CSTF3: variants seen among roughly 807,000 people sequenced by gnomAD.
CSTF3 encodes the protein CF-1 77 kDa subunit.
In CSTF3, 29 loss-of-function variants were observed where a neutral mutation model predicts 105.8. The ratio of observed to expected loss-of-function variants is 0.27; its 90% CI spans 0.20 to 0.37. CSTF3 has a LOEUF of 0.37. CSTF3 is among the 10% of genes least tolerant of loss of function. The pLI, the probability that CSTF3 is intolerant of heterozygous loss-of-function variation, is 1.00. For missense variants in CSTF3, 357 were observed against 879.3 expected (o/e 0.41, Z 7.51); for synonymous variants, 252 against 281.9 (o/e 0.89, Z 1.06).
At chr11:33,153,171 T>A (rs757758840) in intron 1 of CSTF3, among the ~76,000 whole-genome samples, 4 of 152,124 alleles carry the variant, frequency 2.6e-5, no homozygotes, top group African/African-American at 4.8e-5. Context: ...CTTTTAAATG[T>A]CTGGCTGAAT....
chr11:33,113,500 C>G (rs193162329), intron 3 of CSTF3, among the ~76,000 whole-genome samples: 129 of 151,944 alleles, frequency 8.5e-4, no homozygotes, highest in African/African-American at 3.0e-3. Context: ...CTGGGTGACA[C>G]AGCAAGACCC....
chr11:33,126,383 C>G (rs1855543264), intron 3 of CSTF3, among the ~76,000 whole-genome samples: 1 of 151,870 alleles, frequency 6.6e-6, no homozygotes, highest in African/African-American at 2.4e-5. Context: ...GTGGAGGTTA[C>G]AGGTTACAGT....
Position 33,142,201 on chromosome 11 carries a change from T to C in CSTF3, c.28-215A>G, listed in dbSNP as rs112585004. Among the ~76,000 whole-genome samples the C allele has an allele frequency of 3.9e-4, 60 of 152,224 alleles. 1 individual carries two copies. Among genetic ancestry groups the C allele is most frequent in the African/African-American group, 1.3e-3 (53 of 41,552 alleles). On this transcript the variant is annotated intron_variant, in intron 1 of 20. Coordinates refer to ENST00000323959, the MANE Select transcript of CSTF3 (RefSeq NM_001326.3). The stretch of plus-strand genomic sequence containing the variant: ...ATCCTTATACTCAACCAAGGGTGGA[T>C]TGAAAATACTCAGAGAGAAAAAAAA...
At chr11:33,093,062 T>C (rs541636700) in intron 15 of CSTF3, among the ~76,000 whole-genome samples, 3 of 152,346 alleles carry the variant, frequency 2.0e-5, no homozygotes, top group East Asian at 1.9e-4. Flanking sequence ...GATGGACTTA[T>C]AGTATACAAA....
intron 1 of CSTF3, 149 bp downstream of exon 1, chr11:33,161,150 T>G: frequency 1.4e-6 from 1 of 695,602 alleles, no homozygotes; most frequent in Non-Finnish European, 2.4e-6. Context: ...ATCTTAGATC[T>G]TGCTCCCCAT....
Position 33,131,745 on chromosome 11 carries a change from G to A in CSTF3, c.225+9922C>T, listed in dbSNP as rs57115038. On this transcript the variant is annotated intron_variant, in intron 3 of 20. Transcript: ENST00000323959. ...CGGGCGCCTGTAGTCCCAGCTACTC[G>A]GGAGGCTGAGGCAGGAGAATGGCGT... 2.2e-3 allele frequency among the ~76,000 whole-genome samples: 334 copies of A among 152,114 alleles called. 2 individuals carry two copies. The highest frequency in any genetic ancestry group is 0.016 in the East Asian group (84 of 5,166).
At chr11:33,137,066 T>C (rs1471436484) in intron 3 of CSTF3, among the ~76,000 whole-genome samples, 1 of 151,826 alleles carries the variant, frequency 6.6e-6, no homozygotes, top group Non-Finnish European at 1.5e-5. Flanking sequence ...TCATGACTCT[T>C]ATTACACCAA....
chr11:33,085,828 A>C, intron 19 of CSTF3, 55 bp from the exon 20 acceptor site: 1 of 1,584,044 alleles, frequency 6.3e-7, no homozygotes, highest in Non-Finnish European at 8.7e-7. Context: ...TTAAAGTAGT[A>C]GTAACTTTAT....
chr11:33,098,714 T>C lies in CSTF3; in HGVS notation c.1104A>G (p.Ala368=), dbSNP rs35931906. Residue 368 remains alanine, a synonymous_variant, in exon 13 of 21, where the codon GCA becomes GCG. Transcript: ENST00000323959. ...CCAAGGTAGGGTCAATATCCTCAAT[T>C]GCCAGAAGTCTGTTATATATACTGT... ...KVHSIYNRLL[A]IEDIDPTLVY... 2.8e-4 allele frequency: 448 copies of C among 1,582,342 alleles called. 3 individuals are homozygous for C. In the African/African-American group the frequency reaches 5.6e-3, roughly 20 times the overall value.
In CSTF3 at chr11:33,158,927, TGAGACTACTTAA is replaced by T. The variant is rs1376667375; in HGVS notation, c.27+2360_27+2371del. Among the ~76,000 whole-genome samples the T allele has an allele frequency of 4.6e-5, 7 of 152,184 alleles. No homozygotes were observed. In the East Asian group the frequency reaches 1.4e-3, roughly 29 times the overall value. ...CAACAGCCCCAGGGGAGAAGAATGG[TGAGACTACTTAA>T]GAGACAGAAGTAAATGATTCAATAT... is the stretch of plus-strand genomic sequence containing the variant. On this transcript the variant is annotated intron_variant, in intron 1 of 20. Coordinates refer to ENST00000323959, the MANE Select transcript of CSTF3 (RefSeq NM_001326.3).
intron 3 of CSTF3, among the ~76,000 whole-genome samples, chr11:33,135,060 C>T (rs1855638522): frequency 6.6e-6 from 1 of 152,186 alleles, no homozygotes; most frequent in African/African-American, 2.4e-5. Flanking sequence ...ATGATTCTCC[C>T]GTAACACTTG....
intron 1 of CSTF3, among the ~76,000 whole-genome samples, chr11:33,158,870 CAGT>C (rs1849899770): frequency 1.3e-5 from 2 of 152,062 alleles, no homozygotes; most frequent in African/African-American, 4.8e-5. Flanking sequence ...CCCAGAAAAG[CAGT>C]GTTAAGTGTC....
chr11:33,097,673 A>T (rs1855239061), intron 13 of CSTF3, among the ~76,000 whole-genome samples: 1 of 152,110 alleles, frequency 6.6e-6, no homozygotes, highest in South Asian at 2.1e-4. Context: ...AGCCTGCAAT[A>T]CATGTTTAAC....
intron 3 of CSTF3, among the ~76,000 whole-genome samples, chr11:33,117,608 C>A (rs1855442779): frequency 6.6e-6 from 1 of 151,824 alleles, no homozygotes; most frequent in Admixed American, 6.6e-5. Context: ...TTAATAACTT[C>A]CCCCAGATCA....
chr11:33,126,058 T>A lies in CSTF3; in HGVS notation c.225+15609A>T, dbSNP rs545840401. Among the ~76,000 whole-genome samples, 77 of 152,150 alleles carry A rather than the reference T, an allele frequency of 5.1e-4. 4 individuals are homozygous for A. Among genetic ancestry groups the A allele is most frequent in the African/African-American group, 1.6e-3 (68 of 41,524 alleles). ...ATTAATATCAAGCTTTCAAAAAGATTAGAAAAAAAATGTGTGCAAACTACC... is the reference window on the plus strand; with the variant it reads ...ATTAATATCAAGCTTTCAAAAAGATAAGAAAAAAAATGTGTGCAAACTACC... On this transcript the variant is annotated intron_variant, in intron 3 of 20. Transcript: ENST00000323959.
rs576903433 is a variant in CSTF3 at position 33,132,849 on chromosome 11, T to A, written c.225+8818A>T. Among the ~76,000 whole-genome samples, 256 of 152,256 alleles carry A rather than the reference T, an allele frequency of 1.7e-3. 2 individuals are homozygous for A. Among genetic ancestry groups the A allele is most frequent in the African/African-American group, 5.8e-3 (243 of 41,570 alleles). Reference sequence around the variant, plus strand: ...ACAAAGCGAAAGATGGCATTATTTTTAAAATATCTAAATTCTTATTTAAAA... The same window carrying A: ...ACAAAGCGAAAGATGGCATTATTTTAAAAATATCTAAATTCTTATTTAAAA... On this transcript the variant is annotated intron_variant, in intron 3 of 20. Coordinates refer to ENST00000323959, the MANE Select transcript of CSTF3 (RefSeq NM_001326.3).
At position 33,103,566 on chromosome 11, in the gene CSTF3, A is replaced by G. The variant is rs535225196; in HGVS notation, c.586-382T>C. Among the ~76,000 whole-genome samples, 6 of 152,230 alleles carry G rather than the reference A, an allele frequency of 3.9e-5. No individual in the cohort carries two copies. The South Asian group carries it at 1.2e-3, about 32-fold the overall frequency. Reference sequence around the variant, plus strand: ...GTGGATCACTTGAGGTCAGGAGTTCATGACCAGCCTGGCCAACATGGTGAA... The same window carrying G: ...GTGGATCACTTGAGGTCAGGAGTTCGTGACCAGCCTGGCCAACATGGTGAA... On this transcript the variant is annotated intron_variant, in intron 8 of 20. Coordinates refer to ENST00000323959, the MANE Select transcript of CSTF3 (RefSeq NM_001326.3).
At position 33,104,538 on chromosome 11, in the gene CSTF3, G is replaced by A. The variant is rs115582938; in HGVS notation, c.585+1029C>T. Among the ~76,000 whole-genome samples, 1,155 of 152,250 alleles carry A rather than the reference G, an allele frequency of 7.6e-3. 18 individuals are homozygous for A. The highest frequency in any genetic ancestry group is 0.026 in the African/African-American group (1,089 of 41,562). ...TGTAATCCCAACATTTTGGGAGGCC[G>A]AGGCGGGCTAATTGCTTGAGCTCAG... On this transcript the variant is annotated intron_variant, in intron 8 of 20. Coordinates refer to ENST00000323959, the MANE Select transcript of CSTF3 (RefSeq NM_001326.3).
At chr11:33,141,438 GA>G (rs1254764626) in intron 3 of CSTF3, 5 of 1,280,840 alleles carry the variant, frequency 3.9e-6, no homozygotes, top group Non-Finnish European at 4.9e-6. Flanking sequence ...CAATACCATT[GA>G]AACTGTTTTA....
Sources: allele counts gnomAD v4.1 joint callset (sites outside exome capture counted in the v4.1 genomes callset), GRCh38; gene constraint gnomAD v4.1.1; transcripts MANE v1.5; gene names NCBI Gene and HGNC (gene_info 2026-07-23, HGNC 2026-07-21).